The following DIPK1A variants were observed in gnomAD, a reference collection of about 807,000 sequenced individuals.
DIPK1A encodes family with sequence similarity 69 member A.
A neutral mutation model predicts 40.8 loss-of-function variants in DIPK1A; 27 were observed. The observed-to-expected ratio is 0.66, with a 90% CI of 0.49 to 0.91. DIPK1A has a LOEUF of 0.91. Among genes scored for constraint, DIPK1A ranks in the 40% least tolerant of loss-of-function variants. The pLI is 0.00. For missense variants in DIPK1A, 412 were observed against 505.7 expected (o/e 0.81, Z 1.78); for synonymous variants, 166 against 171.3 (o/e 0.97, Z 0.24).
downstream of DIPK1A, chr1:92,837,801 TCAAG>T: frequency 1.6e-6 from 1 of 638,268 alleles, no homozygotes; most frequent in East Asian, 2.8e-5. Context: ...GTGGGAGACT[TCAAG>T]CATCTGAAGA....
intron 1 of DIPK1A, among the ~76,000 whole-genome samples, chr1:92,949,188 A>G (rs987824961): frequency 2.6e-5 from 4 of 152,022 alleles, no homozygotes; most frequent in African/African-American, 9.7e-5. Flanking sequence ...TTAGAACTTC[A>G]CCTTCCTTCA....
chr1:92,957,835 T>G (rs765098237), intron 1 of DIPK1A, among the ~76,000 whole-genome samples: 11 of 152,218 alleles, frequency 7.2e-5, no homozygotes, highest in Admixed American at 7.2e-4. Flanking sequence ...CCACTATCAA[T>G]TTTAGAACAT....
chr1:92,865,043 A>G (rs1647469608), intron 2 of DIPK1A, among the ~76,000 whole-genome samples: 1 of 146,938 alleles, frequency 6.8e-6, no homozygotes, highest in Non-Finnish European at 1.5e-5. Context: ...CTCCGTCTCA[A>G]AAAAAAAAAA....
chr1:92,891,345 G>C (rs938799812), intron 1 of DIPK1A, among the ~76,000 whole-genome samples: 36 of 150,034 alleles, frequency 2.4e-4, no homozygotes, highest in African/African-American at 8.5e-4. Flanking sequence ...TTTTGGGTTT[G>C]GTTTATTCTT....
At chr1:92,902,607 G>A (rs781313611) in intron 1 of DIPK1A, among the ~76,000 whole-genome samples, 15 of 152,178 alleles carry the variant, frequency 9.9e-5, no homozygotes, top group Non-Finnish European at 1.5e-4. Flanking sequence ...AAACTGCAGG[G>A]GACCCTAATG....
intron 2 of DIPK1A, among the ~76,000 whole-genome samples, chr1:92,869,731 A>G (rs1647740837): frequency 6.9e-6 from 1 of 144,828 alleles, no homozygotes; most frequent in South Asian, 2.1e-4. Context: ...CTTTAAGATT[A>G]TGCAGTTTTA....
chr1:92,948,642 A>AAT (rs149718693), intron 1 of DIPK1A, among the ~76,000 whole-genome samples: 1 of 74,632 alleles, frequency 1.3e-5, no homozygotes, highest in Non-Finnish European at 3.4e-5. Flanking sequence ...TTTTGTATTT[A>AAT]ATATATATAC....
intron 2 of DIPK1A, among the ~76,000 whole-genome samples, chr1:92,869,960 A>G (rs1647751206): frequency 6.6e-6 from 1 of 152,052 alleles, no homozygotes. Context: ...AGCTATTGTA[A>G]AACTGAACCA....
intron 1 of DIPK1A, among the ~76,000 whole-genome samples, chr1:92,912,624 G>C (rs1285812692): frequency 1.3e-5 from 2 of 152,102 alleles, no homozygotes; most frequent in Non-Finnish European, 2.9e-5. Flanking sequence ...GGCTTGATGA[G>C]TCCAAAGATC....
intron 4 of DIPK1A, chr1:92,836,151 A>C: frequency 6.4e-7 from 1 of 1,565,368 alleles, no homozygotes; most frequent in Non-Finnish European, 8.8e-7. Flanking sequence ...GAGCAGTTTG[A>C]ATAATTGAAA....
chr1:92,916,240 T>C (rs1650047728), intron 1 of DIPK1A, among the ~76,000 whole-genome samples: 1 of 151,980 alleles, frequency 6.6e-6, no homozygotes, highest in Non-Finnish European at 1.5e-5. Context: ...AAGGGTTTTA[T>C]AGTATATGAA....
Position 92,948,668 on chromosome 1 carries a change from T to TAC in DIPK1A, c.54+12707_54+12708insGT, listed in dbSNP as rs1329234387. Among the ~76,000 whole-genome samples, 3 of 146,060 alleles carry TAC rather than the reference T, an allele frequency of 2.1e-5. No homozygotes were observed. In the Admixed American group the frequency reaches 2.1e-4, roughly 10 times the overall value. On this transcript the variant is annotated intron_variant, in intron 1 of 4. Coordinates refer to ENST00000370310, the MANE Select transcript of DIPK1A (RefSeq NM_001006605.5). ...ATATATATACGTATATATACATATG[T>TAC]GTATATATACATGTATATGTATATA...
intron 1 of DIPK1A, among the ~76,000 whole-genome samples, chr1:92,924,710 G>A (rs1236522786): frequency 6.6e-6 from 1 of 152,332 alleles, no homozygotes; most frequent in East Asian, 1.9e-4. Flanking sequence ...AGTAGATAAC[G>A]TCGGTGTCAG....
In DIPK1A at chr1:92,961,381, G is replaced by A. The variant is rs201322845; in HGVS notation, c.49C>T (p.Leu17Phe). Residue 17 changes from leucine (L) to phenylalanine (F), a missense_variant, in exon 1 of 5, where the codon CTC (leucine) becomes TTC (phenylalanine). Physicochemically the swap from Leu to Phe is conservative, Grantham distance 22. Transcript: ENST00000370310. ...CTGGGCGGCCGCCGGCCTACCTGGA[G>A]GTAATAGGGTTTCCTTAGCCAGGCC... ...PGAWLRKPYY[L>F]QARFSYVRMK... The A allele has an allele frequency of 6.8e-4, 1,043 of 1,525,546 alleles. 14 individuals carry two copies. In the African/African-American group the frequency reaches 0.014, roughly 20 times the overall value. The allele number at this position is 1,525,546 out of a possible 1,614,324, so 94.5% of individuals were successfully genotyped here. A position where few individuals can be genotyped will look rare whatever the true frequency, so the allele number is the denominator to read the frequency against.
intron 1 of DIPK1A, among the ~76,000 whole-genome samples, chr1:92,883,374 T>C (rs1443925751): frequency 6.6e-6 from 1 of 152,230 alleles, no homozygotes; most frequent in Non-Finnish European, 1.5e-5. Flanking sequence ...AGGACAAGGA[T>C]AAGTAAAAAA....
intron 1 of DIPK1A, among the ~76,000 whole-genome samples, chr1:92,911,299 C>G (rs890826469): frequency 2.7e-4 from 41 of 152,278 alleles, no homozygotes; most frequent in African/African-American, 9.6e-4. Context: ...TTCCTTCCAC[C>G]CTGTGGGAAC....
At chr1:92,862,539 G>A (rs1159106112) in intron 2 of DIPK1A, among the ~76,000 whole-genome samples, 3 of 151,932 alleles carry the variant, frequency 2.0e-5, no homozygotes, top group East Asian at 3.9e-4. Context: ...TTAAACCCTC[G>A]TCACTTGTGC....
intron 1 of DIPK1A, among the ~76,000 whole-genome samples, chr1:92,959,037 T>C (rs1651953938): frequency 6.6e-6 from 1 of 152,140 alleles, no homozygotes; most frequent in Non-Finnish European, 1.5e-5. Context: ...TGTAATCCCA[T>C]CACTTTGGGA....
intron 2 of DIPK1A, among the ~76,000 whole-genome samples, chr1:92,852,426 G>A (rs866518000): frequency 6.6e-6 from 1 of 150,928 alleles, no homozygotes; most frequent in Non-Finnish European, 1.5e-5. Context: ...TGAACCCTGC[G>A]GGGGCGGAGG....
Sources: gnomAD v4.1 joint callset for allele counts (sites outside exome capture counted in the v4.1 genomes callset) on GRCh38, gnomAD v4.1.1 for gene constraint, MANE v1.5 for transcripts, NCBI Gene and HGNC (gene_info 2026-07-23, HGNC 2026-07-21) for gene names.